Variants in PRKX observed in about 807,000 individuals in gnomAD.
PRKX encodes protein kinase cAMP-dependent X-linked catalytic subunit, also known as cAMP-dependent protein kinase catalytic subunit PRKX.
PRKX carries 12 observed loss-of-function variants against 22.0 expected under a neutral mutation model. That is an observed-to-expected ratio of 0.54 (90% CI 0.35 to 0.88). The LOEUF (loss-of-function observed/expected upper bound fraction) is 0.88. Ranked by LOEUF, PRKX falls within the 40% of genes least tolerant of loss-of-function variation. The probability of loss-of-function intolerance (pLI) is 0.01; values close to 1 mark genes in which losing one functional copy is unlikely to be tolerated. For synonymous variants in PRKX, 134 were observed against 137.7 expected, an observed-to-expected ratio of 0.97 and a Z score of 0.19; for missense variants, 217 against 308.0, an observed-to-expected ratio of 0.70 and a Z score of 2.21.
At chrX:3,635,746 C>T (rs1375031251) in intron 4 of PRKX, among the ~76,000 whole-genome samples, 1 of 111,533 alleles carries the variant, frequency 9.0e-6, no homozygotes, top group African/African-American at 3.3e-5. Context: ...TACAACCACA[C>T]CCAGCTAGTT....
chrX:3,676,522 A>G (rs1927959509), intron 1 of PRKX, among the ~76,000 whole-genome samples: 2 of 112,187 alleles, frequency 1.8e-5, no homozygotes, highest in East Asian at 5.7e-4. Flanking sequence ...TAAAGAAAAC[A>G]TGGTACATAT....
chrX:3,622,058 C>T (rs1343192455), intron 5 of PRKX, among the ~76,000 whole-genome samples: 5 of 110,770 alleles, frequency 4.5e-5, no homozygotes, highest in South Asian at 3.9e-4. Flanking sequence ...GCACAAGAAC[C>T]GCTTGAACCC....
At chrX:3,671,045 A>T (rs939840445) in intron 2 of PRKX, among the ~76,000 whole-genome samples, 7 of 109,270 alleles carry the variant, frequency 6.4e-5, no homozygotes, top group South Asian at 3.9e-4. Flanking sequence ...TTTATTTATT[A>T]TTATTTTTTG....
chrX:3,629,892 C>G (rs763330409), intron 4 of PRKX, among the ~76,000 whole-genome samples: 1 of 112,002 alleles, frequency 8.9e-6, no homozygotes, highest in Non-Finnish European at 1.9e-5. Flanking sequence ...AGAGTCTGTA[C>G]TTGTAACTGA....
chrX:3,698,967 CTTTT>C (rs111433967), intron 1 of PRKX, among the ~76,000 whole-genome samples: 2 of 91,114 alleles, frequency 2.2e-5, no homozygotes, highest in Non-Finnish European at 4.3e-5. Flanking sequence ...TTCCAAAATT[CTTTT>C]TTTTTTTTTT....
intron 2 of PRKX, chrX:3,668,184 A>G (rs1253416602): frequency 2.7e-5 from 3 of 111,224 alleles, no homozygotes; most frequent in Non-Finnish European, 5.7e-5. Context: ...AAAAATATAG[A>G]TAATAAAATA....
intron 1 of PRKX, among the ~76,000 whole-genome samples, chrX:3,690,798 T>A (rs1294513924): frequency 8.9e-6 from 1 of 112,559 alleles, no homozygotes; most frequent in Non-Finnish European, 1.9e-5. Flanking sequence ...AATTCTCATC[T>A]TCTCCCACAA....
In PRKX at chrX:3,655,380, T is replaced by C. The variant is rs199549061; in HGVS notation, c.368A>G (p.Tyr123Cys). 5 of 1,210,832 alleles carry C rather than the reference T, an allele frequency of 4.1e-6. No individual in the cohort carries two copies. Among genetic ancestry groups the C allele is most frequent in the Non-Finnish European group, 4.5e-6 (4 of 895,426 alleles). Residue 123 changes from tyrosine to cysteine, a missense_variant, in exon 3 of 9, where the codon TAC becomes TGC. Transcript: ENST00000262848. ...FWTWHDERFL[Y>C]MLMEYVPGGE... ...GCCCGGCACGTACTCCATGAGCATG[T>C]AGAGGAAGCGCTCGTCATGCCACGT...
intron 2 of PRKX, among the ~76,000 whole-genome samples, chrX:3,672,182 A>G (rs1927860944): frequency 9.0e-6 from 1 of 110,807 alleles, no homozygotes; most frequent in African/African-American, 3.3e-5. Context: ...GCCACAGAGC[A>G]AAACCCGTCT....
intron 2 of PRKX, among the ~76,000 whole-genome samples, chrX:3,665,185 C>T (rs374008694): frequency 2.7e-5 from 3 of 111,525 alleles, no homozygotes; most frequent in East Asian, 5.7e-4. Context: ...TGTGTGTGTG[C>T]GTTTGTGTGA....
Position 3,629,677 on chromosome X carries a change from C to G in PRKX, c.720-3163G>C, listed in dbSNP as rs779880050. Among the ~76,000 whole-genome samples the G allele has an allele frequency of 1.2e-4, 13 of 107,701 alleles. No homozygotes were observed. The East Asian group carries it at 3.7e-3, about 31-fold the overall frequency. The allele number at this position is 107,701 out of a possible 115,157, so 93.5% of individuals were successfully genotyped here. Reference sequence around the variant, plus strand: ...ATCATATTTTTCTTTTGTTTTGAGACAGGGTTTGACTCTGTCACCCAGGCT... The same window carrying G: ...ATCATATTTTTCTTTTGTTTTGAGAGAGGGTTTGACTCTGTCACCCAGGCT... On this transcript the variant is annotated intron_variant, in intron 4 of 8. Transcript: ENST00000262848.
intron 5 of PRKX, among the ~76,000 whole-genome samples, chrX:3,622,916 T>C (rs1209040452): frequency 8.9e-6 from 1 of 112,057 alleles, no homozygotes; most frequent in African/African-American, 3.2e-5. Flanking sequence ...CCCCACGTGA[T>C]TTACACCACT....
chrX:3,676,039 C>G (rs1927947103), intron 1 of PRKX, among the ~76,000 whole-genome samples: 1 of 111,792 alleles, frequency 8.9e-6, no homozygotes, highest in Non-Finnish European at 1.9e-5. Context: ...GCCACTGCAA[C>G]TGATGCAGGA....
At position 3,639,033 on chromosome X, in the gene PRKX, G is replaced by C. The variant is rs1292473643; in HGVS notation, c.719+2819C>G. Reference sequence around the variant, plus strand: ...AAATGACAACTTAGATGATAGATAAGGATAAATGGATAAACAGATACATAC... The same window carrying C: ...AAATGACAACTTAGATGATAGATAACGATAAATGGATAAACAGATACATAC... On this transcript the variant is annotated intron_variant, in intron 4 of 8. Coordinates refer to ENST00000262848, the MANE Select transcript of PRKX (RefSeq NM_005044.5). Among the ~76,000 whole-genome samples the C allele has an allele frequency of 5.8e-5, 4 of 69,023 alleles. No individual in the cohort carries two copies. The Admixed American group carries it at 8.4e-4, about 15-fold the overall frequency. The allele number at this position is 69,023 out of a possible 115,157, so 59.9% of individuals were successfully genotyped here.
Position 3,611,630 on chromosome X carries a change from T to A in PRKX, c.*23+547A>T, listed in dbSNP as rs1212335068. On this transcript the variant is annotated intron_variant, in intron 8 of 8. Transcript: ENST00000262848. The stretch of plus-strand genomic sequence containing the variant: ...AAAGCTTAGCAAATTTCATGAGGGA[T>A]TCTAAAAAATATTATTATTATTTAA... Among the ~76,000 whole-genome samples the A allele has an allele frequency of 2.7e-5, 3 of 111,815 alleles. No homozygotes were observed. In the East Asian group the frequency reaches 8.3e-4, roughly 31 times the overall value.
chrX:3,651,170 G>A (rs1170481953), intron 3 of PRKX, among the ~76,000 whole-genome samples: 1 of 110,793 alleles, frequency 9.0e-6, no homozygotes, highest in Non-Finnish European at 1.9e-5. Flanking sequence ...TACCCATACA[G>A]AGGAAGATGC....
chrX:3,610,752 G>A (rs1415585269), intron 8 of PRKX, among the ~76,000 whole-genome samples: 2 of 110,611 alleles, frequency 1.8e-5, no homozygotes, highest in Non-Finnish European at 3.8e-5. Context: ...ACAATTGAGG[G>A]GTCTCTATTA....
chrX:3,650,743 G>A (rs59920017), intron 3 of PRKX, among the ~76,000 whole-genome samples: 398 of 107,189 alleles, frequency 3.7e-3, no homozygotes, highest in African/African-American at 0.013. Context: ...GCCAGGTGTG[G>A]TGGTACATGC....
intron 3 of PRKX, among the ~76,000 whole-genome samples, chrX:3,642,929 C>T (rs1369128619): frequency 1.1e-5 from 1 of 91,632 alleles, no homozygotes; most frequent in Non-Finnish European, 2.0e-5. Flanking sequence ...ACCCAGGAGG[C>T]GGAGGTTGCA....
Sources: allele counts gnomAD v4.1 joint callset (sites outside exome capture counted in the v4.1 genomes callset), GRCh38; gene constraint gnomAD v4.1.1; transcripts MANE v1.5; gene names NCBI Gene and HGNC (gene_info 2026-07-23, HGNC 2026-07-21).